The following CDCA2 variants were observed in gnomAD, a reference collection of about 807,000 sequenced individuals.
CDCA2 encodes the protein cell division cycle associated 2.
In CDCA2, 44 loss-of-function variants were observed where a neutral mutation model predicts 67.0. The ratio of observed to expected loss-of-function variants is 0.66; its 90% CI spans 0.52 to 0.84. CDCA2 has a LOEUF of 0.84. Among genes scored for constraint, CDCA2 ranks in the 40% least tolerant of loss-of-function variants. CDCA2 has a pLI of 0.00. For missense variants in CDCA2, 1,253 were observed against 1,203.2 expected (o/e 1.04, Z -0.61); for synonymous variants, 447 against 418.7 (o/e 1.07, Z -0.82).
At chr8:25,462,743 C>G (rs955345250) in intron 4 of CDCA2, among the ~76,000 whole-genome samples, 1 of 152,218 alleles carries the variant, frequency 6.6e-6, no homozygotes, top group African/African-American at 2.4e-5. Context: ...CTGGTGCAAT[C>G]ATAGCCCACC....
At chr8:25,468,136 A>C (rs1263474746) in intron 5 of CDCA2, 81 bp from the exon 6 acceptor site, 2 of 574,640 alleles carry the variant, frequency 3.5e-6, no homozygotes, top group Non-Finnish European at 4.7e-6. Context: ...AAAAAAAAAA[A>C]AAAGAAAAGA....
chr8:25,488,368 A>G (rs998763216), intron 12 of CDCA2, among the ~76,000 whole-genome samples, 184 bp from the exon 13 acceptor site: 4 of 152,222 alleles, frequency 2.6e-5, no homozygotes, highest in African/African-American at 9.6e-5. Context: ...TTGATAGTTC[A>G]GAAATTGGTA....
Position 25,503,428 on chromosome 8 carries a change from C to G in CDCA2, c.1727C>G (p.Ser576Cys). The part of the protein sequence containing the change: ...KGKGKKSVQK[S>C]LYGERDIASK... Reference sequence around the variant, plus strand: ...AAGGGAAAGAAAAGTGTTCAGAAATCTTTATATGGGGAAAGAGACATTGCT... The same window carrying G: ...AAGGGAAAGAAAAGTGTTCAGAAATGTTTATATGGGGAAAGAGACATTGCT... The change falls in exon 14 of 15, where the codon TCT becomes TGT. Residue 576 changes from serine to cysteine, a missense_variant. Coordinates refer to ENST00000330560, the MANE Select transcript of CDCA2 (RefSeq NM_152562.4). The G allele has an allele frequency of 6.2e-7, 1 of 1,614,048 alleles. No homozygotes were observed. The highest frequency in any genetic ancestry group is 1.3e-5 in the African/African-American group (1 of 75,052).
chr8:25,470,070 G>C (rs561679144), intron 7 of CDCA2, 90 bp downstream of exon 7: 1 of 839,840 alleles, frequency 1.2e-6, no homozygotes, highest in African/African-American at 1.7e-5. Flanking sequence ...TGGGGGAACT[G>C]AAATTGTTTC....
intron 7 of CDCA2, among the ~76,000 whole-genome samples, chr8:25,479,294 G>A (rs1162625493): frequency 6.6e-6 from 1 of 152,070 alleles, no homozygotes; most frequent in Non-Finnish European, 1.5e-5. Context: ...TTCCGTGCTG[G>A]TTTTGGGGGT....
chr8:25,494,902 G>A (rs1356049462), intron 13 of CDCA2, among the ~76,000 whole-genome samples: 4 of 151,886 alleles, frequency 2.6e-5, no homozygotes, highest in African/African-American at 9.7e-5. Context: ...AACCATGTGA[G>A]GACACAGCAA....
chr8:25,462,837 G>C (rs1351265870), intron 4 of CDCA2, among the ~76,000 whole-genome samples: 2 of 152,034 alleles, frequency 1.3e-5, no homozygotes, highest in African/African-American at 2.4e-5. Context: ...CCACAGCAAT[G>C]GGCTAATTAT....
chr8:25,462,486 G>A (rs1266096463), intron 4 of CDCA2, among the ~76,000 whole-genome samples: 2 of 152,156 alleles, frequency 1.3e-5, no homozygotes, highest in Non-Finnish European at 2.9e-5. Context: ...AATTAGCTGG[G>A]TGTGGTGGCA....
rs765153374 is a variant in CDCA2 at position 25,485,872 on chromosome 8, A to AT, written c.1444+41dup. On this transcript the variant is annotated intron_variant, in intron 11 of 14. Transcript: ENST00000330560. ...TGTTTATCTTAAAATCATAAATGTC[A>AT]TTTTTTATATGTGTATATGTTGATT... The AT allele has an allele frequency of 4.1e-6, 5 of 1,210,832 alleles. No individual in the cohort carries two copies. In the East Asian group the frequency reaches 9.4e-5, roughly 23 times the overall value. 75.0% of individuals were successfully genotyped at this position (1,210,832 alleles called of 1,614,324 possible).
At chr8:25,482,464 C>G (rs1453329304) in intron 8 of CDCA2, among the ~76,000 whole-genome samples, 1 of 152,030 alleles carries the variant, frequency 6.6e-6, no homozygotes, top group South Asian at 2.1e-4. Context: ...ATTGAACCAA[C>G]CACAGATCAA....
intron 13 of CDCA2, among the ~76,000 whole-genome samples, chr8:25,490,087 T>C (rs951000818): frequency 6.6e-6 from 1 of 152,172 alleles, no homozygotes; most frequent in Admixed American, 6.5e-5. Flanking sequence ...CCTGCTTTAG[T>C]TCCTTTTTAG....
intron 1 of CDCA2, 106 bp from the exon 2 acceptor site, chr8:25,460,134 T>C: frequency 1.9e-6 from 2 of 1,058,030 alleles, no homozygotes; most frequent in Non-Finnish European, 2.9e-6. Context: ...TGTGTTTCTA[T>C]GCCAGTATGG....
At position 25,468,171 on chromosome 8, in the gene CDCA2, A is replaced by G. The variant is rs1460128292; in HGVS notation, c.539-46A>G. 3.1e-6 allele frequency: 3 copies of G among 962,510 alleles called. No individual in the cohort carries two copies. In the East Asian group the frequency reaches 9.0e-5, roughly 29 times the overall value. The allele number at this position is 962,510 out of a possible 1,614,324, so 59.6% of individuals were successfully genotyped here. A position where few individuals can be genotyped will look rare whatever the true frequency, so the allele number is the denominator to read the frequency against. ...AAAAAAAATATATATAATATATATG[A>G]AAACATTTATGCCTGTGTCGTTTTG... On this transcript the variant is annotated intron_variant, in intron 5 of 14. Transcript: ENST00000330560.
intron 7 of CDCA2, among the ~76,000 whole-genome samples, chr8:25,471,467 A>G (rs112234083): frequency 0.08 from 12,196 of 152,144 alleles, 514 homozygotes; most frequent in Non-Finnish European, 0.098. Context: ...GATTCAAGCA[A>G]TTATCTGCCT....
intron 10 of CDCA2, among the ~76,000 whole-genome samples, chr8:25,484,666 A>G (rs1357551831): frequency 1.4e-5 from 2 of 146,694 alleles, no homozygotes; most frequent in Non-Finnish European, 3.0e-5. Flanking sequence ...GTCATGGCTC[A>G]CTGCAGCCTC....
At chr8:25,471,722 T>TTA in intron 7 of CDCA2, among the ~76,000 whole-genome samples, 1 of 152,316 alleles carries the variant, frequency 6.6e-6, no homozygotes, top group Non-Finnish European at 1.5e-5. Flanking sequence ...AGATTCTCTG[T>TTA]GACAGTGATT....
At position 25,466,388 on chromosome 8, in the gene CDCA2, T is replaced by C. The variant is rs1802904547; in HGVS notation, c.538+63T>C. The C allele has an allele frequency of 2.1e-6, 3 of 1,432,028 alleles. No homozygotes were observed. The South Asian group carries it at 4.4e-5, about 21-fold the overall frequency. The allele number at this position is 1,432,028 out of a possible 1,614,324, so 88.7% of individuals were successfully genotyped here. A position where few individuals can be genotyped will look rare whatever the true frequency, so the allele number is the denominator to read the frequency against. On this transcript the variant is annotated intron_variant, in intron 5 of 14. Transcript: ENST00000330560. ...TTTATAAAGACAAGCTTCTGAGTTA[T>C]GAAATGATTTAGTGTGAAGCCAATC...
At chr8:25,487,047 T>C (rs1437886991) in intron 11 of CDCA2, among the ~76,000 whole-genome samples, 199 bp from the exon 12 acceptor site, 1 of 150,370 alleles carries the variant, frequency 6.7e-6, no homozygotes, top group East Asian at 2.0e-4. Context: ...GGCGAAAGTT[T>C]CTGAGTATCC....
At chr8:25,502,553 CTGT>C (rs1011991571) in intron 13 of CDCA2, among the ~76,000 whole-genome samples, 6 of 151,926 alleles carry the variant, frequency 3.9e-5, no homozygotes, top group East Asian at 2.0e-4. Flanking sequence ...ATTAAGTCAT[CTGT>C]TGTTTGAATC....
Sources: gnomAD v4.1 joint callset for allele counts (sites outside exome capture counted in the v4.1 genomes callset) on GRCh38, gnomAD v4.1.1 for gene constraint, MANE v1.5 for transcripts, NCBI Gene and HGNC (gene_info 2026-07-23, HGNC 2026-07-21) for gene names.